The following IDH3B variants were observed in gnomAD, a reference collection of about 807,000 sequenced individuals.
The protein encoded by IDH3B is isocitrate dehydrogenase [NAD] subunit beta, mitochondrial.
Under a neutral mutation model 47.5 loss-of-function variants are expected in IDH3B, and 40 were observed. The ratio of observed to expected loss-of-function variants is 0.84; its 90% CI spans 0.65 to 1.10. The LOEUF is 1.10. Among genes scored for constraint, IDH3B ranks in the 50% least tolerant of loss-of-function variants. IDH3B has a pLI of 0.00. For synonymous variants in IDH3B, 185 were observed against 191.0 expected (o/e 0.97, Z 0.26); for missense variants, 450 against 505.2 (o/e 0.89, Z 1.05).
At chr20:2,658,925 C>G (rs1054065129) in intron 11 of IDH3B, 88 bp from the exon 12 acceptor site, 1 of 1,587,666 alleles carries the variant, frequency 6.3e-7, no homozygotes, top group African/African-American at 1.3e-5. Context: ...GAAATGGAAG[C>G]CAAGAATGCG....
At chr20:2,659,931 A>G in intron 9 of IDH3B, 99 bp downstream of exon 9, 1 of 1,532,466 alleles carries the variant, frequency 6.5e-7, no homozygotes, top group Non-Finnish European at 9.0e-7. Context: ...GCGTGGGGGA[A>G]GAACAGGCCA....
At position 2,659,561 on chromosome 20, in the gene IDH3B, G is replaced by C. The variant is rs371981176; in HGVS notation, c.1035C>G (p.Ile345Met). 6.2e-7 allele frequency: 1 copy of C among 1,614,180 alleles called. No individual in the cohort carries two copies. ...TGATCACCTTCTTCACCGCATCTGC[G>C]ATCATGCTGGAGTGATACTCAAGAC... ...HLNLEYHSSM[I>M]ADAVKKVIKV... Residue 345 changes from isoleucine (I) to methionine (M), a missense_variant, in exon 11 of 12, where the codon ATC becomes ATG. Physicochemically the swap from Ile to Met is conservative, Grantham distance 10. Transcript: ENST00000380843.
rs149148826 is a variant in IDH3B at position 2,664,001 on chromosome 20, A to G, written c.41T>C (p.Leu14Pro). 88 of 1,614,136 alleles carry G rather than the reference A, an allele frequency of 5.5e-5. No individual in the cohort carries two copies. In the African/African-American group the frequency reaches 1.0e-3, roughly 19 times the overall value. ...TGCCCCAGGGTTCCCGGCGGAGACCAGCGCCTGCAACAGGGACACACAAGC... is the reference window on the plus strand; with the variant it reads ...TGCCCCAGGGTTCCCGGCGGAGACCGGCGCCTGCAACAGGGACACACAAGC... ...LSGVRWLTRALVSAGNPGAWR... is the reference protein window; with the variant it reads ...LSGVRWLTRAPVSAGNPGAWR... Residue 14 changes from leucine to proline, a missense_variant, in exon 2 of 12, where the codon CTG (leucine) becomes CCG (proline). Leu to Pro is a moderately conservative substitution (Grantham distance 98). Transcript: ENST00000380843.
At position 2,660,007 on chromosome 20, in the gene IDH3B, G is replaced by C; in HGVS notation, c.915+23C>G. ...TGGCGGACTTGAGGTCAGAGGAAGG[G>C]CCGAGGGAGAAAGCAGCCTCACCGT... On this transcript the variant is annotated intron_variant, in intron 9 of 11. Coordinates refer to ENST00000380843, the MANE Select transcript of IDH3B (RefSeq NM_006899.5). This position sits in a 1 kb window ranked among gnomAD's most constrained non-coding sequence, Gnocchi z 5.6. 6.2e-7 allele frequency: 1 copy of C among 1,613,952 alleles called. No individual in the cohort carries two copies. The highest frequency in any genetic ancestry group is 1.1e-5 in the South Asian group (1 of 91,086).
At position 2,658,778 on chromosome 20, in the gene IDH3B, G is replaced by T; in HGVS notation, c.1131C>A (p.Ile377=). 2 of 1,614,172 alleles carry T rather than the reference G, an allele frequency of 1.2e-6. No homozygotes were observed. The highest frequency in any genetic ancestry group is 1.7e-6 in the Non-Finnish European group (2 of 1,180,022). ...STTTDFIKSV[I]GHLQTKGS ...AGCTCCCTTTAGTCTGCAGGTGACCGATGACAGACTTGATGAAGTCGGTTG... is the reference window on the plus strand; with the variant it reads ...AGCTCCCTTTAGTCTGCAGGTGACCTATGACAGACTTGATGAAGTCGGTTG... Residue 377 remains isoleucine, a synonymous_variant, in exon 12 of 12, where the codon ATC becomes ATA. Coordinates refer to ENST00000380843, the MANE Select transcript of IDH3B (RefSeq NM_006899.5).
At chr20:2,659,154 C>G in intron 11 of IDH3B, 1 of 1,286,470 alleles carries the variant, frequency 7.8e-7, no homozygotes. Flanking sequence ...AGGAAAGAAT[C>G]ACAGCGAAAA....
In IDH3B at chr20:2,660,999, C is replaced by T. The variant is rs1190009998; in HGVS notation, c.338-30G>A. ...GAAAACAAAGTGGGAAAAGGAGTGT[C>T]AGCCACAGGCCAAGCCCAAGGGAAC... On this transcript the variant is annotated intron_variant, in intron 4 of 11. Transcript: ENST00000380843. This position sits in a 1 kb window ranked among gnomAD's most constrained non-coding sequence, Gnocchi z 5.6. 1 of 1,606,172 alleles carries T rather than the reference C, an allele frequency of 6.2e-7. No individual in the cohort carries two copies. Among genetic ancestry groups the T allele is most frequent in the Admixed American group, 1.7e-5 (1 of 59,998 alleles).
chr20:2,663,535 T>C lies in IDH3B; in HGVS notation c.248A>G (p.His83Arg). 3.7e-6 allele frequency: 6 copies of C among 1,614,172 alleles called. No homozygotes were observed. Among genetic ancestry groups the C allele is most frequent in the Non-Finnish European group, 5.1e-6 (6 of 1,180,020 alleles). Residue 83 changes from histidine (H) to arginine (R), a missense_variant, in exon 4 of 12, where the codon CAC (histidine) becomes CGC (arginine). By Grantham distance (29) the His-to-Arg change is conservative (BLOSUM62 0). Transcript: ENST00000380843. ...CATATTCTGCACCTCACTCAGGTGG[T>C]GCTCCTGGAACTCCACTGGGACAGC... is the stretch of plus-strand genomic sequence containing the variant. ...AAAVPVEFQE[H>R]HLSEVQNMAS...
In IDH3B at chr20:2,658,468, C is replaced by CAG; in HGVS notation, c.*281_*282dup. ...TATGGGTGGGGCAAGGCAGCAATGA[C>CAG]AGCCTCAGTGAAGTCATGGCAAGTA... On this transcript the variant is annotated 3_prime_UTR_variant, in exon 12 of 12. Coordinates refer to ENST00000380843, the MANE Select transcript of IDH3B (RefSeq NM_006899.5). The CAG allele has an allele frequency of 6.2e-7, 1 of 1,614,176 alleles. No individual in the cohort carries two copies. The highest frequency in any genetic ancestry group is 8.5e-7 in the Non-Finnish European group (1 of 1,180,030).
chr20:2,661,032 A>T, intron 4 of IDH3B, 63 bp from the exon 5 acceptor site: 1 of 1,383,776 alleles, frequency 7.2e-7, no homozygotes, highest in Admixed American at 1.7e-5. Context: ...AACTCAGACC[A>T]GTGTCTAACC....
rs2087008363 is a variant in IDH3B at position 2,664,200 on chromosome 20, G to A, written c.-12C>T. ...CTCAATGCCGCCATGTTTCCCGCAG[G>A]AAGTCGCGTGGGAAGTGACGCCTGA... is the stretch of plus-strand genomic sequence containing the variant. On this transcript the variant is annotated 5_prime_UTR_variant, in exon 1 of 12. Transcript: ENST00000380843. 2.5e-6 allele frequency: 4 copies of A among 1,612,840 alleles called. No individual in the cohort carries two copies. The highest frequency in any genetic ancestry group is 1.1e-5 in the South Asian group (1 of 90,740).
chr20:2,664,027 C>G, intron 1 of IDH3B, 22 bp from the exon 2 acceptor site: 1 of 1,614,044 alleles, frequency 6.2e-7, no homozygotes, highest in South Asian at 1.1e-5. Flanking sequence ...ACACACAAGC[C>G]TGTAAGGTCA....
At position 2,662,471 on chromosome 20, in the gene IDH3B, G is replaced by C. The variant is rs549869759; in HGVS notation, c.337+975C>G. 7.2e-5 allele frequency among the ~76,000 whole-genome samples: 11 copies of C among 152,224 alleles called. No individual in the cohort carries two copies. The South Asian group carries it at 2.3e-3, about 32-fold the overall frequency. On this transcript the variant is annotated intron_variant, in intron 4 of 11. Transcript: ENST00000380843. Reference sequence around the variant, plus strand: ...AGAGATATGGAAGATGAACTATAGGGGCAGAACTAGAAGCCAAAAAAATCA... The same window carrying C: ...AGAGATATGGAAGATGAACTATAGGCGCAGAACTAGAAGCCAAAAAAATCA...
chr20:2,660,671 C>A lies in IDH3B; in HGVS notation c.531+26G>T, dbSNP rs375500796. ...CACCTCTCTCCCATCTTCATCCTTG[C>A]CCTCCCCCAGTTTCTGGGGCCTCAC... On this transcript the variant is annotated intron_variant, in intron 6 of 11. Transcript: ENST00000380843. This position sits in a 1 kb window ranked among gnomAD's most constrained non-coding sequence, Gnocchi z 5.6. 4.9e-5 allele frequency: 79 copies of A among 1,614,062 alleles called. No individual in the cohort carries two copies. In the African/African-American group the frequency reaches 9.7e-4, roughly 20 times the overall value.
intron 11 of IDH3B, 32 bp from the exon 12 acceptor site, chr20:2,658,869 G>A (rs1454961138): frequency 1.2e-6 from 2 of 1,613,652 alleles, no homozygotes; most frequent in East Asian, 2.2e-5. Context: ...GCCGTGGGGA[G>A]GGAGAAAAGA....
At chr20:2,659,314 T>C in intron 11 of IDH3B, 2 of 1,520,220 alleles carry the variant, frequency 1.3e-6, no homozygotes, top group African/African-American at 1.4e-5. Context: ...AGATGGGATC[T>C]AAGAGGCAAA....
rs185838502 is a variant in IDH3B, at chr20:2,660,738, G to A, written c.490C>T (p.Arg164Ter). The A allele has an allele frequency of 3.9e-5, 63 of 1,614,108 alleles. No homozygotes were observed. Among genetic ancestry groups the A allele is most frequent in the Non-Finnish European group, 4.8e-5 (57 of 1,180,030 alleles). The change falls in exon 6 of 12, where the codon CGA (arginine) becomes TGA (stop). Residue 164 changes from arginine to a stop codon, truncating the protein, a stop_gained. Coordinates refer to ENST00000380843, the MANE Select transcript of IDH3B (RefSeq NM_006899.5). LOFTEE classifies it high-confidence loss of function. This position sits in a 1 kb window ranked among gnomAD's most constrained non-coding sequence, Gnocchi z 5.6. ...RHNNLDLVII[R>*]EQTEGEYSSL... is the part of the protein sequence containing the mutation. ...CTGTACTCCCCTTCTGTCTGCTCTCGAATGATCACCAGGTCTAGATTGTTG... is the reference window on the plus strand; with the variant it reads ...CTGTACTCCCCTTCTGTCTGCTCTCAAATGATCACCAGGTCTAGATTGTTG...
chr20:2,659,055 G>A, intron 11 of IDH3B: 2 of 1,084,948 alleles, frequency 1.8e-6, no homozygotes, highest in Non-Finnish European at 2.4e-6. Flanking sequence ...CAGGACAGGA[G>A]GCTGAGCAGG....
In IDH3B at chr20:2,660,635, A is replaced by G. The variant is rs200955856; in HGVS notation, c.532-45T>C. On this transcript the variant is annotated intron_variant, in intron 6 of 11. Transcript: ENST00000380843. This position sits in a 1 kb window ranked among gnomAD's most constrained non-coding sequence, Gnocchi z 5.6. ...CAGCTAGGTGACACTGGGAAGGGAA[A>G]CAAGGAGCTCCACCTCTCTCCCATC... 1.4e-3 allele frequency: 2,228 copies of G among 1,614,142 alleles called. 4 individuals are homozygous for G. Among genetic ancestry groups the G allele is most frequent in the Non-Finnish European group, 1.7e-3 (1,995 of 1,180,014 alleles).
Sources: gnomAD v4.1 joint callset for allele counts (sites outside exome capture counted in the v4.1 genomes callset) on GRCh38, gnomAD v4.1.1 for gene constraint, Gnocchi (gnomAD v3.1) non-coding constraint, MANE v1.5 for transcripts, NCBI Gene and HGNC (gene_info 2026-07-23, HGNC 2026-07-21) for gene names.